Variants in SLC6A14 observed in about 807,000 individuals in gnomAD.
The protein encoded by SLC6A14 is solute carrier family 6 member 14.
In SLC6A14, 21 loss-of-function variants were observed where a neutral mutation model predicts 51.4. The observed-to-expected ratio is 0.41, with a 90% CI of 0.29 to 0.59. The LOEUF is 0.59. SLC6A14 is among the 20% of genes least tolerant of loss of function. The probability of loss-of-function intolerance (pLI) is 0.31; values close to 1 mark genes in which losing one functional copy is unlikely to be tolerated. For missense variants in SLC6A14, 371 were observed against 472.8 expected, an observed-to-expected ratio of 0.78 and a Z score of 2.00; for synonymous variants, 177 against 160.7, an observed-to-expected ratio of 1.10 and a Z score of -0.77.
intron 13 of SLC6A14, among the ~76,000 whole-genome samples, chrX:116,458,140 C>T (rs963301278): frequency 9.0e-6 from 1 of 111,335 alleles, no homozygotes; most frequent in Non-Finnish European, 1.9e-5. Flanking sequence ...TGCTTTATAT[C>T]CATAGTCACT....
Position 116,437,775 on chromosome X carries a change from T to C in SLC6A14, c.49-15T>C. On this transcript the variant is annotated splice_polypyrimidine_tract_variant and intron_variant, in intron 1 of 13. Coordinates refer to ENST00000598581, the MANE Select transcript of SLC6A14 (RefSeq NM_007231.5). Reference sequence around the variant, plus strand: ...ATGGTAGAAAGGCAAGCTGTTGATATTTTTTCTTCCCCAGAAAGTGTCGGC... The same window carrying C: ...ATGGTAGAAAGGCAAGCTGTTGATACTTTTTCTTCCCCAGAAAGTGTCGGC... 8.4e-7 allele frequency: 1 copy of C among 1,192,385 alleles called. No homozygotes were observed. The highest frequency in any genetic ancestry group is 1.1e-6 in the Non-Finnish European group (1 of 885,175).
intron 3 of SLC6A14, 62 bp from the exon 4 acceptor site, chrX:116,442,625 G>T: frequency 1.1e-6 from 1 of 915,375 alleles, no homozygotes; most frequent in South Asian, 3.0e-5. Context: ...GCTTTTTTAT[G>T]AATTAGCAAA....
chrX:116,456,168 G>A (rs1440179099), intron 12 of SLC6A14, among the ~76,000 whole-genome samples: 1 of 110,815 alleles, frequency 9.0e-6, no homozygotes, highest in African/African-American at 3.3e-5. Context: ...AATGATTATG[G>A]ACTAGAAATA....
intron 13 of SLC6A14, among the ~76,000 whole-genome samples, chrX:116,458,237 A>G (rs1232542831): frequency 8.9e-6 from 1 of 111,907 alleles, no homozygotes. Flanking sequence ...AACCCAATCT[A>G]GAGCCTGAGT....
At chrX:116,442,982 T>C in intron 4 of SLC6A14, 134 bp downstream of exon 4, 1 of 414,380 alleles carries the variant, frequency 2.4e-6, no homozygotes, top group Non-Finnish European at 4.0e-6. Flanking sequence ...GAAGATAGCA[T>C]ATATAATCAG....
At chrX:116,455,204 C>T (rs782284976) in intron 11 of SLC6A14, 128 bp downstream of exon 11, 2 of 596,976 alleles carry the variant, frequency 3.4e-6, no homozygotes, top group African/African-American at 2.3e-5. Flanking sequence ...CAATATACTG[C>T]ACAACATTAT....
At chrX:116,437,576 A>G (rs1331439231) in intron 1 of SLC6A14, among the ~76,000 whole-genome samples, 2 of 111,790 alleles carry the variant, frequency 1.8e-5, no homozygotes, top group Non-Finnish European at 3.8e-5. Flanking sequence ...AAACATATCT[A>G]CCTACAGAAC....
chrX:116,441,211 G>C, intron 3 of SLC6A14, 114 bp downstream of exon 3: 2 of 801,962 alleles, frequency 2.5e-6, no homozygotes, highest in Non-Finnish European at 3.6e-6. Context: ...TTAAAATTCT[G>C]ACAATTTAAA....
rs111681984 is a variant in SLC6A14 at position 116,441,078 on chromosome X, G to A, written c.327G>A (p.Arg109=). 77 of 1,208,889 alleles carry A rather than the reference G, an allele frequency of 6.4e-5. 1 individual carries two copies. The African/African-American group carries it at 6.5e-4, about 10-fold the overall frequency. ...GCTTAGGTCCAGTTTCAGTTTGGAGGATTCTTCCATTGTTTCAAGGTTGGT... is the reference window on the plus strand; with the variant it reads ...GCTTAGGTCCAGTTTCAGTTTGGAGAATTCTTCCATTGTTTCAAGGTTGGT... The part of the protein sequence containing the change: ...FASLGPVSVW[R]ILPLFQGVGI... The change falls in exon 3 of 14, where the codon AGG becomes AGA. Residue 109 remains arginine, a synonymous_variant. Transcript: ENST00000598581.
chrX:116,444,579 A>G (rs1927666668), intron 5 of SLC6A14, among the ~76,000 whole-genome samples: 1 of 112,070 alleles, frequency 8.9e-6, no homozygotes, highest in African/African-American at 3.2e-5. Flanking sequence ...AAATACTGTA[A>G]TAGTAAAATA....
intron 1 of SLC6A14, among the ~76,000 whole-genome samples, chrX:116,437,363 T>C (rs955572955): frequency 4.5e-5 from 5 of 111,460 alleles, no homozygotes; most frequent in Admixed American, 1.9e-4. Flanking sequence ...TGCTACAATA[T>C]CAATATTGAT....
At chrX:116,457,242 A>C (rs60875685) in intron 12 of SLC6A14, among the ~76,000 whole-genome samples, 8,621 of 111,326 alleles carry the variant, frequency 0.077, 826 homozygotes, top group African/African-American at 0.27. Context: ...CATAGAATAA[A>C]ACCATGCTAT....
rs781834146 is a variant in SLC6A14 at position 116,447,200 on chromosome X, G to A, written c.930+319G>A. On this transcript the variant is annotated intron_variant, in intron 7 of 13. Coordinates refer to ENST00000598581, the MANE Select transcript of SLC6A14 (RefSeq NM_007231.5). ...AACAATATTTCATGCATAAATACCC[G>A]CAAGTTGATGATTGGGGCTATGTGA... 1.2e-4 allele frequency among the ~76,000 whole-genome samples: 13 copies of A among 111,504 alleles called. No individual in the cohort carries two copies. In the East Asian group the frequency reaches 1.7e-3, roughly 14 times the overall value.
rs1008296130 is a variant in SLC6A14, at chrX:116,437,847, C to A, written c.106C>A (p.Arg36Ser). The change falls in exon 2 of 14, where the codon CGT becomes AGT. Residue 36 changes from arginine to serine, a missense_variant. This residue lies in a region of SLC6A14 where 277 missense variants were observed against 391.8 expected (regional missense o/e 0.71). Coordinates refer to ENST00000598581, the MANE Select transcript of SLC6A14 (RefSeq NM_007231.5). ...TGGTGAAAATGATGAGAATCAGGAC[C>A]GTGGTAACTGGTCCAAAAAATCGGA... Reference protein sequence around the residue: ...HVGENDENQDRGNWSKKSDYL... With the variant: ...HVGENDENQDSGNWSKKSDYL... 1 of 1,204,760 alleles carries A rather than the reference C, an allele frequency of 8.3e-7. No individual in the cohort carries two copies. Among genetic ancestry groups the A allele is most frequent in the African/African-American group, 1.8e-5 (1 of 56,962 alleles).
At position 116,459,818 on chromosome X, in the gene SLC6A14, G is replaced by A. The variant is rs782448244; in HGVS notation, c.*863G>A. On this transcript the variant is annotated 3_prime_UTR_variant, in exon 14 of 14. Coordinates refer to ENST00000598581, the MANE Select transcript of SLC6A14 (RefSeq NM_007231.5). Reference sequence around the variant, plus strand: ...GGACTTAAATGTTAATGAGAAAATGGCTTTAATCAATTCTAGCATTTTATT... The same window carrying A: ...GGACTTAAATGTTAATGAGAAAATGACTTTAATCAATTCTAGCATTTTATT... The A allele has an allele frequency of 1.0e-3, 112 of 111,791 alleles. No homozygotes were observed. Among genetic ancestry groups the A allele is most frequent in the African/African-American group, 3.6e-3 (110 of 30,763 alleles). 9.2% of individuals were successfully genotyped at this position (111,791 alleles called of 1,213,427 possible).
At chrX:116,447,093 A>C (rs781886004) in intron 7 of SLC6A14, among the ~76,000 whole-genome samples, 1 of 111,643 alleles carries the variant, frequency 9.0e-6, no homozygotes, top group South Asian at 3.7e-4. Context: ...TAATTTTTAG[A>C]AATAGGATTT....
At chrX:116,444,440 A>G in intron 5 of SLC6A14, among the ~76,000 whole-genome samples, 1 of 111,814 alleles carries the variant, frequency 8.9e-6, no homozygotes, top group Non-Finnish European at 1.9e-5. Context: ...AGAATCTTGG[A>G]ATTTTACAGA....
intron 7 of SLC6A14, among the ~76,000 whole-genome samples, chrX:116,450,107 G>A (rs1285242928): frequency 4.5e-5 from 5 of 111,098 alleles, no homozygotes; most frequent in Non-Finnish European, 9.4e-5. Context: ...AAGTAATAGA[G>A]ATCAAGGATA....
chrX:116,438,942 AG>A (rs1927539366), intron 2 of SLC6A14, among the ~76,000 whole-genome samples: 1 of 111,708 alleles, frequency 9.0e-6, no homozygotes, highest in Non-Finnish European at 1.9e-5. Flanking sequence ...AAACCGTTTA[AG>A]TGTCAGTAGC....
Sources: allele counts gnomAD v4.1 joint callset (sites outside exome capture counted in the v4.1 genomes callset), GRCh38; gene constraint gnomAD v4.1.1; regional missense constraint gnomAD v4.1.1; transcripts MANE v1.5; gene names NCBI Gene and HGNC (gene_info 2026-07-23, HGNC 2026-07-21).